The following CENPW variants were observed in gnomAD, a reference collection of about 807,000 sequenced individuals.
CENPW encodes the protein cancer-up-regulated gene 2 protein.
In CENPW, 3 loss-of-function variants were observed where a neutral mutation model predicts 11.1. The ratio of observed to expected loss-of-function variants is 0.27; its 90% CI spans 0.12 to 0.70. The LOEUF (loss-of-function observed/expected upper bound fraction) is 0.70, where lower values mean the gene tolerates loss of function less well. Among genes scored for constraint, CENPW ranks in the 30% least tolerant of loss-of-function variants. The probability of loss-of-function intolerance (pLI) is 0.77; values close to 1 mark genes in which losing one functional copy is unlikely to be tolerated. For synonymous variants in CENPW, 38 were observed against 42.0 expected (o/e 0.91, Z 0.37); for missense variants, 100 against 105.6 (o/e 0.95, Z 0.23).
intron 2 of CENPW, 90 bp downstream of exon 2, chr6:126,346,408 C>A: frequency 1.6e-6 from 1 of 629,136 alleles, no homozygotes; most frequent in Middle Eastern, 3.8e-4. Context: ...ATACCTTACT[C>A]AGCTTTGTTG....
At chr6:126,384,987 GGT>G in the CENPW span, among the ~76,000 whole-genome samples, 3 of 152,000 alleles carry the variant, frequency 2.0e-5, no homozygotes, top group African/African-American at 7.2e-5. Context: ...ACACACATTT[GGT>G]GGAGAAGCAT....
At chr6:126,461,332 T>C in the CENPW span, among the ~76,000 whole-genome samples, 1 of 151,932 alleles carries the variant, frequency 6.6e-6, no homozygotes, top group African/African-American at 2.4e-5. Flanking sequence ...CCTCCTTCTT[T>C]TGTAAATTGC....
At chr6:126,421,850 T>C in the CENPW span, among the ~76,000 whole-genome samples, 2 of 152,100 alleles carry the variant, frequency 1.3e-5, no homozygotes, top group South Asian at 4.1e-4. Flanking sequence ...ATGTTTTGAG[T>C]TCCTTCTAGC....
At chr6:126,356,655 T>C in the CENPW span, among the ~76,000 whole-genome samples, 1 of 152,270 alleles carries the variant, frequency 6.6e-6, no homozygotes, top group Middle Eastern at 3.4e-3. Flanking sequence ...AGTATCTCAT[T>C]ATGGTTTTGA....
the CENPW span, among the ~76,000 whole-genome samples, chr6:126,392,903 G>T: frequency 6.6e-6 from 1 of 151,582 alleles, no homozygotes; most frequent in Non-Finnish European, 1.5e-5. Flanking sequence ...AAAAATTCAG[G>T]GGTTAAGCCA....
the CENPW span, among the ~76,000 whole-genome samples, chr6:126,466,252 A>G: frequency 6.6e-6 from 1 of 152,200 alleles, no homozygotes; most frequent in Non-Finnish European, 1.5e-5. Context: ...TTACAAGTGT[A>G]TAAAACAACC....
the CENPW span, among the ~76,000 whole-genome samples, chr6:126,370,721 C>G: frequency 1.3e-5 from 2 of 151,178 alleles, no homozygotes; most frequent in Non-Finnish European, 1.5e-5. Context: ...GACAGTTTCA[C>G]TTGCTCTTAA....
At chr6:126,434,998 T>G in the CENPW span, among the ~76,000 whole-genome samples, 5 of 151,924 alleles carry the variant, frequency 3.3e-5, no homozygotes, top group African/African-American at 1.2e-4. Context: ...TAATGAAAAA[T>G]TATACAATAA....
rs1206876871 is a variant in CENPW at position 126,340,216 on chromosome 6, T to C, written c.-58T>C. 3.9e-6 allele frequency: 6 copies of C among 1,544,758 alleles called. No homozygotes were observed. The East Asian group carries it at 1.3e-4, about 35-fold the overall frequency. On this transcript the variant is annotated 5_prime_UTR_variant, in exon 1 of 3. Coordinates refer to ENST00000368328, the MANE Select transcript of CENPW (RefSeq NM_001012507.4). ...TTCGCTGGCCCAGTGTCCCCGGAGC[T>C]TGTGTGCGATACAGAGAGCACCTCG...
the CENPW span, among the ~76,000 whole-genome samples, chr6:126,417,751 T>A: frequency 6.6e-6 from 1 of 152,172 alleles, no homozygotes; most frequent in Non-Finnish European, 1.5e-5. Flanking sequence ...CAGTCTTGGG[T>A]ATGTCTTTAT....
At chr6:126,478,523 A>G in the CENPW span, among the ~76,000 whole-genome samples, 5 of 152,090 alleles carry the variant, frequency 3.3e-5, no homozygotes, top group Admixed American at 2.6e-4. Context: ...TAGAGAGAGT[A>G]AAAAATGTGC....
the CENPW span, among the ~76,000 whole-genome samples, chr6:126,470,420 A>T: frequency 2.0e-5 from 3 of 152,220 alleles, no homozygotes; most frequent in Admixed American, 2.0e-4. Context: ...ATTTCACAGG[A>T]TGTATGGAAA....
chr6:126,352,365 A>G (rs886529127), downstream of CENPW, among the ~76,000 whole-genome samples: 2 of 152,126 alleles, frequency 1.3e-5, no homozygotes, highest in Non-Finnish European at 2.9e-5. Flanking sequence ...CAAAATGGCA[A>G]AAGAGGGATT....
At chr6:126,355,593 T>C in the CENPW span, among the ~76,000 whole-genome samples, 2,218 of 152,254 alleles carry the variant, frequency 0.015, 46 homozygotes, top group African/African-American at 0.051. Context: ...ACTGATATTT[T>C]AAGTTTGTCC....
the CENPW span, among the ~76,000 whole-genome samples, chr6:126,418,356 A>G: frequency 1.3e-5 from 2 of 152,242 alleles, no homozygotes; most frequent in Non-Finnish European, 2.9e-5. Context: ...TCCATTAATC[A>G]GCTGATGAAT....
At chr6:126,391,278 T>C in the CENPW span, among the ~76,000 whole-genome samples, 1 of 152,016 alleles carries the variant, frequency 6.6e-6, no homozygotes, top group African/African-American at 2.4e-5. Context: ...CTTTTGAAAA[T>C]ATGTATTCAG....
the CENPW span, among the ~76,000 whole-genome samples, chr6:126,452,713 CTT>C: frequency 1.3e-5 from 2 of 150,990 alleles, no homozygotes; most frequent in African/African-American, 4.8e-5. Flanking sequence ...CTGAAAAAAA[CTT>C]TTTGAAAATA....
At chr6:126,474,295 T>A in the CENPW span, among the ~76,000 whole-genome samples, 1 of 152,156 alleles carries the variant, frequency 6.6e-6, no homozygotes, top group Non-Finnish European at 1.5e-5. Context: ...AAGCTCTTGT[T>A]TTTTTGTTTT....
chr6:126,373,663 G>A, the CENPW span, among the ~76,000 whole-genome samples: 1 of 152,152 alleles, frequency 6.6e-6, no homozygotes, highest in East Asian at 1.9e-4. Flanking sequence ...CCTCCAAGTG[G>A]ACTCAGTCTC....
Sources: allele counts gnomAD v4.1 joint callset (sites outside exome capture counted in the v4.1 genomes callset), GRCh38; gene constraint gnomAD v4.1.1; transcripts MANE v1.5; gene names NCBI Gene and HGNC (gene_info 2026-07-23, HGNC 2026-07-21).